Variants in CCDC15 observed in about 807,000 individuals in gnomAD.
CCDC15 encodes coiled-coil domain containing 15, also known as coiled-coil domain-containing protein 15.
A neutral mutation model predicts 114.5 loss-of-function variants in CCDC15; 105 were observed. The ratio of observed to expected loss-of-function variants is 0.92; its 90% confidence interval spans 0.78 to 1.08. CCDC15 has a LOEUF of 1.08. CCDC15 is among the 50% of genes least tolerant of loss of function. The pLI is 0.00. For missense variants in CCDC15, 1,105 were observed against 1,093.6 expected (o/e 1.01, Z -0.15); for synonymous variants, 334 against 377.8 (o/e 0.88, Z 1.34).
intron 6 of CCDC15, among the ~76,000 whole-genome samples, chr11:124,984,844 C>G (rs1276287824): frequency 6.6e-6 from 1 of 152,148 alleles, no homozygotes; most frequent in East Asian, 1.9e-4. Context: ...CCTCTGTCCA[C>G]TCTTAATGCC....
At chr11:124,993,930 AT>A (rs1948314308) in intron 11 of CCDC15, among the ~76,000 whole-genome samples, 1 of 152,240 alleles carries the variant, frequency 6.6e-6, no homozygotes, top group African/African-American at 2.4e-5. Context: ...GATAGATACT[AT>A]TATTATCCTT....
chr11:124,985,073 A>G (rs542730269), intron 6 of CCDC15, among the ~76,000 whole-genome samples: 30 of 152,324 alleles, frequency 2.0e-4, no homozygotes, highest in Non-Finnish European at 3.7e-4. Flanking sequence ...GTTTACCTAT[A>G]CTGGACATTT....
chr11:125,020,669 AT>A (rs1565380955), intron 13 of CCDC15, among the ~76,000 whole-genome samples: 2 of 151,954 alleles, frequency 1.3e-5, no homozygotes, highest in Non-Finnish European at 2.9e-5. Context: ...TATTCACACC[AT>A]TGCTCTAGGA....
chr11:124,997,768 C>G, intron 11 of CCDC15, among the ~76,000 whole-genome samples: 1 of 151,996 alleles, frequency 6.6e-6, no homozygotes, highest in Non-Finnish European at 1.5e-5. Context: ...AAGGTGAAAC[C>G]CTGTTTCTAC....
intron 8 of CCDC15, among the ~76,000 whole-genome samples, chr11:124,989,986 T>C (rs1292444037): frequency 6.6e-6 from 1 of 152,254 alleles, no homozygotes; most frequent in East Asian, 1.9e-4. Context: ...ACTTTTCCTT[T>C]GCATTCACAC....
intron 13 of CCDC15, among the ~76,000 whole-genome samples, chr11:125,019,647 A>G (rs1948649481): frequency 1.3e-5 from 2 of 151,934 alleles, no homozygotes; most frequent in African/African-American, 4.8e-5. Flanking sequence ...TTGTTAGAGA[A>G]GAATTCAAGG....
At chr11:125,016,079 C>T (rs1414133686) in intron 13 of CCDC15, among the ~76,000 whole-genome samples, 2 of 152,076 alleles carry the variant, frequency 1.3e-5, no homozygotes, top group Non-Finnish European at 1.5e-5. Context: ...TCCTATCTTT[C>T]CTGTATTTCT....
At position 124,977,473 on chromosome 11, in the gene CCDC15, T is replaced by C. The variant is rs1591582352; in HGVS notation, c.631-5T>C. ...TATTTATATTTGTAGTAATTTTTTT[T>C]CCAGGAAGTGCTTTCCAGGAAACCA... On this transcript the variant is annotated splice_region_variant and splice_polypyrimidine_tract_variant and intron_variant, in intron 5 of 15. Transcript: ENST00000344762. 1 of 1,577,502 alleles carries C rather than the reference T, an allele frequency of 6.3e-7. No individual in the cohort carries two copies. The highest frequency in any genetic ancestry group is 8.6e-7 in the Non-Finnish European group (1 of 1,163,062).
chr11:124,992,727 A>G lies in CCDC15; in HGVS notation c.2139+40A>G, dbSNP rs889526948. 5 of 1,109,672 alleles carry G rather than the reference A, an allele frequency of 4.5e-6. No homozygotes were observed. The African/African-American group carries it at 7.9e-5, about 18-fold the overall frequency. The allele number at this position is 1,109,672 out of a possible 1,614,324, so 68.7% of individuals were successfully genotyped here. On this transcript the variant is annotated intron_variant, in intron 10 of 15. Coordinates refer to ENST00000344762, the MANE Select transcript of CCDC15 (RefSeq NM_025004.3). ...AGTAGGAGGACTGTATACCTTCTAA[A>G]AGGGGAACAAGCCTAAATCATATTA...
At chr11:125,003,500 A>G (rs1187227416) in intron 11 of CCDC15, among the ~76,000 whole-genome samples, 1 of 151,986 alleles carries the variant, frequency 6.6e-6, no homozygotes, top group Non-Finnish European at 1.5e-5. Context: ...AAGTGATCAT[A>G]TATAGAATTG....
In CCDC15 at chr11:124,954,251, C is replaced by T. The variant is rs1054141538; in HGVS notation, c.-129C>T. The stretch of plus-strand genomic sequence containing the variant: ...GGCCGATTCCTGGCCAGTGCCATCT[C>T]AGCCGGAGCAGGCCTCGGGGCCTCA... On this transcript the variant is annotated 5_prime_UTR_variant, in exon 1 of 16. Coordinates refer to ENST00000344762, the MANE Select transcript of CCDC15 (RefSeq NM_025004.3). The T allele has an allele frequency of 6.4e-6, 1 of 157,456 alleles. No individual in the cohort carries two copies. The highest frequency in any genetic ancestry group is 1.4e-5 in the Non-Finnish European group (1 of 70,966). The allele number at this position is 157,456 out of a possible 1,614,324, so 9.8% of individuals were successfully genotyped here.
Position 125,007,693 on chromosome 11 carries a change from C to T in CCDC15, c.2411+2481C>T, listed in dbSNP as rs868053240. ...ATAATTTCTGTATTAATTTACATTC[C>T]CACCAACAGTGTATAAGAGTTCCCT... On this transcript the variant is annotated intron_variant, in intron 13 of 15. Transcript: ENST00000344762. Among the ~76,000 whole-genome samples, 3 of 152,140 alleles carry T rather than the reference C, an allele frequency of 2.0e-5. No homozygotes were observed. The South Asian group carries it at 6.2e-4, about 32-fold the overall frequency.
intron 4 of CCDC15, among the ~76,000 whole-genome samples, chr11:124,968,850 A>G (rs945387403): frequency 6.6e-6 from 1 of 152,026 alleles, no homozygotes; most frequent in Admixed American, 6.6e-5. Context: ...CTGCCACAAC[A>G]CCTCCACTAT....
rs758469275 is a variant in CCDC15, at chr11:124,988,098, C to T, written c.1872C>T (p.Pro624=). The T allele has an allele frequency of 6.8e-5, 110 of 1,613,162 alleles. 1 individual carries two copies. In the South Asian group the frequency reaches 1.2e-3, roughly 17 times the overall value. The change falls in exon 8 of 16, where the codon CCC becomes CCT. Residue 624 remains proline (P), a synonymous_variant. Coordinates refer to ENST00000344762, the MANE Select transcript of CCDC15 (RefSeq NM_025004.3). The part of the protein sequence containing the change: ...HVLSNDQNIL[P]KCQDQDFLPK... ...TCTCCAACGACCAGAATATTCTACC[C>T]AAATGTCAGGACCAAGATTTTCTAC...
chr11:125,040,539 AGTT>A, intron 15 of CCDC15, 48 bp from the exon 16 acceptor site: 9 of 1,540,968 alleles, frequency 5.8e-6, no homozygotes, highest in Non-Finnish European at 7.9e-6. Context: ...AGGCTGGTAG[AGTT>A]GTTTAGAATT....
chr11:125,000,580 T>G (rs899198464), intron 11 of CCDC15, among the ~76,000 whole-genome samples: 1 of 152,244 alleles, frequency 6.6e-6, no homozygotes, highest in African/African-American at 2.4e-5. Context: ...GAGTCCAGTT[T>G]TCTTTATTGA....
chr11:125,036,631 T>G (rs1250821734), intron 13 of CCDC15, among the ~76,000 whole-genome samples: 2 of 152,192 alleles, frequency 1.3e-5, no homozygotes, highest in African/African-American at 4.8e-5. Flanking sequence ...TTTCTAGGTA[T>G]CATAGGCATA....
At chr11:124,972,161 T>G (rs1947896157) in intron 4 of CCDC15, among the ~76,000 whole-genome samples, 1 of 152,228 alleles carries the variant, frequency 6.6e-6, no homozygotes, top group Admixed American at 6.5e-5. Flanking sequence ...ATTTATCTAA[T>G]TATGAGTAAT....
intron 6 of CCDC15, among the ~76,000 whole-genome samples, chr11:124,982,176 T>C (rs1948082676): frequency 6.6e-6 from 1 of 152,198 alleles, no homozygotes; most frequent in South Asian, 2.1e-4. Flanking sequence ...TTTGAGCCTA[T>C]TGGTGTCATT....
Sources: allele counts gnomAD v4.1 joint callset (sites outside exome capture counted in the v4.1 genomes callset), GRCh38; gene constraint gnomAD v4.1.1; transcripts MANE v1.5; gene names NCBI Gene and HGNC (gene_info 2026-07-23, HGNC 2026-07-21).